Variants in KLHL15 observed in about 807,000 individuals in gnomAD.
KLHL15 encodes kelch like family member 15, also known as kelch-like protein 15.
Under a neutral mutation model 29.3 loss-of-function variants are expected in KLHL15, and 1 was observed. The ratio of observed to expected loss-of-function variants is 0.03; its 90% CI spans 0.01 to 0.16. The LOEUF is 0.16. KLHL15 is among the 10% of genes least tolerant of loss of function. The pLI is 1.00. For missense variants in KLHL15, 215 were observed against 478.5 expected (o/e 0.45, Z 5.14); for synonymous variants, 212 against 184.5 (o/e 1.15, Z -1.21).
intron 2 of KLHL15, among the ~76,000 whole-genome samples, chrX:24,008,062 T>C (rs975522937): frequency 5.4e-5 from 6 of 111,685 alleles, no homozygotes; most frequent in Non-Finnish European, 9.4e-5. Flanking sequence ...CAGGAGAGGC[T>C]TTCTTTTCAT....
chrX:24,015,845 A>G (rs1179142174), intron 2 of KLHL15, among the ~76,000 whole-genome samples: 3 of 110,532 alleles, frequency 2.7e-5, no homozygotes, highest in African/African-American at 9.9e-5. Context: ...CTACAAATAC[A>G]AAAATTAGCC....
intron 3 of KLHL15, among the ~76,000 whole-genome samples, chrX:24,003,606 T>C (rs1226146111): frequency 9.3e-6 from 1 of 107,351 alleles, no homozygotes; most frequent in East Asian, 2.9e-4. Flanking sequence ...GCTACCTATA[T>C]GTACGGTAAG....
At chrX:23,993,750 C>T (rs1235949429) in intron 3 of KLHL15, among the ~76,000 whole-genome samples, 2 of 110,117 alleles carry the variant, frequency 1.8e-5, no homozygotes, top group African/African-American at 3.3e-5. Context: ...CAATCCTGGT[C>T]GGGCACGGTG....
At chrX:24,004,013 A>G (rs972164316) in intron 3 of KLHL15, among the ~76,000 whole-genome samples, 28 of 111,148 alleles carry the variant, frequency 2.5e-4, no homozygotes, top group African/African-American at 8.2e-4. Context: ...AAAATCCAGT[A>G]GAGGACTACA....
chrX:23,997,261 T>C (rs1304404426), intron 3 of KLHL15, among the ~76,000 whole-genome samples: 1 of 111,914 alleles, frequency 8.9e-6, no homozygotes, highest in Non-Finnish European at 1.9e-5. Flanking sequence ...TTCAGTGCAA[T>C]AGTAATAGAA....
chrX:23,988,766 T>A lies in KLHL15; in HGVS notation c.970A>T (p.Ile324Phe). The change falls in exon 4 of 4, where the codon ATC (isoleucine) becomes TTC (phenylalanine). Residue 324 changes from isoleucine to phenylalanine, a missense_variant. Physicochemically the swap from Ile to Phe is conservative, Grantham distance 21. Transcript: ENST00000328046. Reference protein sequence around the residue: ...QVPLRPDCLAIVNNFVFLLGG... With the variant: ...QVPLRPDCLAFVNNFVFLLGG... ...AACAGGAACACAAAATTATTGACGA[T>A]AGCAAGGCAGTCAGGTCGCAGAGGT... The A allele has an allele frequency of 8.3e-7, 1 of 1,211,870 alleles. No individual in the cohort carries two copies. Among genetic ancestry groups the A allele is most frequent in the African/African-American group, 1.7e-5 (1 of 57,824 alleles).
At chrX:23,997,305 G>C (rs1209782523) in intron 3 of KLHL15, among the ~76,000 whole-genome samples, 3 of 112,094 alleles carry the variant, frequency 2.7e-5, no homozygotes, top group Non-Finnish European at 5.6e-5. Context: ...GGGCATAGTG[G>C]TGTGCCCCTG....
intron 2 of KLHL15, among the ~76,000 whole-genome samples, chrX:24,020,290 G>A (rs760598054): frequency 1.5e-4 from 17 of 112,262 alleles, no homozygotes; most frequent in African/African-American, 3.2e-4. Flanking sequence ...TAAAAGAAAA[G>A]ACAAATTTAA....
intron 3 of KLHL15, among the ~76,000 whole-genome samples, chrX:23,991,707 G>A (rs954790844): frequency 1.8e-5 from 2 of 110,754 alleles, no homozygotes; most frequent in African/African-American, 6.6e-5. Context: ...AGGCGTGGCA[G>A]TGCCTGCCTG....
intron 2 of KLHL15, among the ~76,000 whole-genome samples, chrX:24,013,566 G>T (rs995874208): frequency 1.8e-5 from 2 of 111,227 alleles, no homozygotes; most frequent in African/African-American, 6.5e-5. Context: ...ACCCAGGCTT[G>T]AATTATTTTT....
intron 2 of KLHL15, among the ~76,000 whole-genome samples, chrX:24,016,332 T>C (rs1430851237): frequency 6.6e-5 from 3 of 45,320 alleles, no homozygotes; most frequent in East Asian, 8.4e-4. Flanking sequence ...AGAGCAAGAC[T>C]CTGTCTCAAA....
At chrX:23,998,266 T>G (rs1484473149) in intron 3 of KLHL15, among the ~76,000 whole-genome samples, 2 of 107,187 alleles carry the variant, frequency 1.9e-5, no homozygotes, top group Non-Finnish European at 3.9e-5. Flanking sequence ...CAGCAATTTT[T>G]GTGTGTGTGT....
intron 2 of KLHL15, among the ~76,000 whole-genome samples, chrX:24,024,222 T>G (rs1367628185): frequency 3.6e-5 from 4 of 111,910 alleles, no homozygotes; most frequent in African/African-American, 1.3e-4. Context: ...GATCTATGGA[T>G]TCACAGCACT....
At chrX:24,007,475 A>T (rs775891817) in intron 2 of KLHL15, among the ~76,000 whole-genome samples, 1 of 91,562 alleles carries the variant, frequency 1.1e-5, no homozygotes, top group Non-Finnish European at 2.1e-5. Flanking sequence ...CCTGGGAGAC[A>T]GCAAGACCCC....
chrX:23,985,358 GT>G lies in KLHL15; in HGVS notation c.*2562del, dbSNP rs1928967478. On this transcript the variant is annotated 3_prime_UTR_variant, in exon 4 of 4. Transcript: ENST00000328046. ...AAATGCTATGAAAAACTTTTCCATA[GT>G]TTAGTATAACAAAAATAAATCTCTT... The G allele has an allele frequency of 2.7e-5, 3 of 111,622 alleles. No individual in the cohort carries two copies. Among genetic ancestry groups the G allele is most frequent in the African/African-American group, 9.7e-5 (3 of 30,794 alleles). The allele number at this position is 111,622 out of a possible 1,213,427, so 9.2% of individuals were successfully genotyped here.
intron 3 of KLHL15, among the ~76,000 whole-genome samples, chrX:23,999,488 G>C (rs957516346): frequency 9.2e-6 from 1 of 108,199 alleles, no homozygotes; most frequent in Non-Finnish European, 1.9e-5. Context: ...CCAGCTACTC[G>C]GGAGGCTGAC....
chrX:23,999,256 C>A (rs1369076497), intron 3 of KLHL15, among the ~76,000 whole-genome samples: 1 of 110,045 alleles, frequency 9.1e-6, no homozygotes, highest in Non-Finnish European at 1.9e-5. Context: ...TGTTCCACGT[C>A]TTCCTTTTTA....
intron 2 of KLHL15, among the ~76,000 whole-genome samples, chrX:24,008,044 T>G (rs1699710984): frequency 9.0e-6 from 1 of 111,488 alleles, no homozygotes; most frequent in South Asian, 3.7e-4. Context: ...CCCTGGGTAG[T>G]AGGTTTTCAG....
At chrX:24,002,646 G>C (rs1929352866) in intron 3 of KLHL15, among the ~76,000 whole-genome samples, 1 of 107,784 alleles carries the variant, frequency 9.3e-6, no homozygotes, top group African/African-American at 3.4e-5. Flanking sequence ...GGGATTGGGG[G>C]GAACAGGTTC....
Sources: allele counts gnomAD v4.1 joint callset (sites outside exome capture counted in the v4.1 genomes callset), GRCh38; gene constraint gnomAD v4.1.1; transcripts MANE v1.5; gene names NCBI Gene and HGNC (gene_info 2026-07-23, HGNC 2026-07-21).